The following BMAL1 variants were observed in gnomAD, a reference collection of about 807,000 sequenced individuals.
BMAL1 encodes the protein basic helix-loop-helix ARNT-like protein 1.
chr11:13,292,057 G>T, the BMAL1 span, among the ~76,000 whole-genome samples: 38 of 152,188 alleles, frequency 2.5e-4, no homozygotes, highest in African/African-American at 8.9e-4. Context: ...GCTAAAAGAA[G>T]AGCTCTGGTT....
the BMAL1 span, chr11:13,360,354 A>G: frequency 1.2e-6 from 2 of 1,613,442 alleles, no homozygotes; most frequent in Non-Finnish European, 8.5e-7. Flanking sequence ...GGTGCCACCA[A>G]TCCATACACA....
the BMAL1 span, among the ~76,000 whole-genome samples, chr11:13,348,326 G>A: frequency 6.6e-6 from 1 of 152,186 alleles, no homozygotes; most frequent in Non-Finnish European, 1.5e-5. Flanking sequence ...TTTCCTGCTG[G>A]GTGGGTTTGA....
the BMAL1 span, among the ~76,000 whole-genome samples, chr11:13,321,357 CT>C: frequency 1.3e-5 from 2 of 152,188 alleles, no homozygotes; most frequent in Admixed American, 1.3e-4. Context: ...TGCCATTTCA[CT>C]TAGTCCCCAG....
At chr11:13,376,778 G>C in the BMAL1 span, 16 of 1,561,842 alleles carry the variant, frequency 1.0e-5, no homozygotes, top group Non-Finnish European at 1.4e-5. Flanking sequence ...GAAGGTGCTT[G>C]TGGTCAAATA....
At chr11:13,372,006 C>T in the BMAL1 span, among the ~76,000 whole-genome samples, 1 of 152,084 alleles carries the variant, frequency 6.6e-6, no homozygotes, top group Non-Finnish European at 1.5e-5. Context: ...TTTCTCTTTC[C>T]GTCTGCCCCT....
At chr11:13,311,813 A>G in the BMAL1 span, among the ~76,000 whole-genome samples, 6 of 152,178 alleles carry the variant, frequency 3.9e-5, no homozygotes, top group Admixed American at 6.5e-5. Flanking sequence ...CACGGAATCC[A>G]GCCCGTGTTT....
At chr11:13,376,999 T>C in the BMAL1 span, among the ~76,000 whole-genome samples, 1 of 152,196 alleles carries the variant, frequency 6.6e-6, no homozygotes, top group Non-Finnish European at 1.5e-5. Flanking sequence ...CTACTCCCCT[T>C]GTGCTTTCCT....
the BMAL1 span, among the ~76,000 whole-genome samples, chr11:13,346,147 C>CA: frequency 6.6e-6 from 1 of 152,240 alleles, no homozygotes; most frequent in Non-Finnish European, 1.5e-5. Context: ...AGGAAATTGA[C>CA]AGTCATGGGC....
chr11:13,339,399 C>T, the BMAL1 span, among the ~76,000 whole-genome samples: 3,612 of 150,626 alleles, frequency 0.024, 157 homozygotes, highest in African/African-American at 0.085. Context: ...CTGTTGTAGC[C>T]GTCTCCTAAC....
the BMAL1 span, among the ~76,000 whole-genome samples, chr11:13,327,352 G>A: frequency 6.6e-6 from 1 of 152,078 alleles, no homozygotes; most frequent in Non-Finnish European, 1.5e-5. Flanking sequence ...ATAGCTCATC[G>A]CAGATGCTGT....
At chr11:13,362,952 TA>T in the BMAL1 span, among the ~76,000 whole-genome samples, 1 of 151,922 alleles carries the variant, frequency 6.6e-6, no homozygotes, top group Admixed American at 6.6e-5. Context: ...TCTGCAGCTG[TA>T]GATGTGATAG....
the BMAL1 span, among the ~76,000 whole-genome samples, chr11:13,317,430 A>G: frequency 6.6e-6 from 1 of 152,202 alleles, no homozygotes; most frequent in African/African-American, 2.4e-5. Context: ...CAGTGGATGT[A>G]TGACCCACAT....
chr11:13,363,696 T>C, the BMAL1 span, among the ~76,000 whole-genome samples: 8 of 152,232 alleles, frequency 5.3e-5, no homozygotes, highest in Admixed American at 3.3e-4. Context: ...ATGTCTACGT[T>C]AGTCTACTTC....
At chr11:13,386,573 C>G in the BMAL1 span, 1 of 1,564,700 alleles carries the variant, frequency 6.4e-7, no homozygotes. Context: ...AAATCACTGA[C>G]CAGTCTTTAT....
the BMAL1 span, among the ~76,000 whole-genome samples, chr11:13,327,932 C>A: frequency 1.5e-5 from 2 of 134,080 alleles, no homozygotes; most frequent in African/African-American, 2.8e-5. Flanking sequence ...CATTGTGCTA[C>A]TCCACATTCA....
chr11:13,377,982 AT>A, the BMAL1 span, among the ~76,000 whole-genome samples: 2 of 152,258 alleles, frequency 1.3e-5, no homozygotes, highest in East Asian at 3.9e-4. Context: ...TGCTTTAGCC[AT>A]TGTTCATCTT....
At chr11:13,294,590 A>T in the BMAL1 span, among the ~76,000 whole-genome samples, 1 of 152,244 alleles carries the variant, frequency 6.6e-6, no homozygotes. Flanking sequence ...TGTTATAAAG[A>T]TGATGCTTTC....
the BMAL1 span, among the ~76,000 whole-genome samples, chr11:13,329,320 G>T: frequency 6.6e-6 from 1 of 152,114 alleles, no homozygotes; most frequent in African/African-American, 2.4e-5. Flanking sequence ...CAAGTATATA[G>T]GTCTCAATTT....
the BMAL1 span, chr11:13,372,076 C>G: frequency 6.5e-7 from 1 of 1,544,764 alleles, no homozygotes; most frequent in East Asian, 2.3e-5. Flanking sequence ...TTTTGACTCC[C>G]TACCTACATC....
Sources: allele counts gnomAD v4.1 joint callset (sites outside exome capture counted in the v4.1 genomes callset), GRCh38; gene constraint gnomAD v4.1.1; transcripts MANE v1.5; gene names NCBI Gene and HGNC (gene_info 2026-07-23, HGNC 2026-07-21).